The following PRICKLE2 variants were observed in gnomAD, a reference collection of about 807,000 sequenced individuals.
The protein encoded by PRICKLE2 is prickle-like protein 2.
In PRICKLE2, 21 loss-of-function variants were observed where a neutral mutation model predicts 81.4. The ratio of observed to expected loss-of-function variants is 0.26; its 90% CI spans 0.18 to 0.37. The LOEUF (loss-of-function observed/expected upper bound fraction) is 0.37, where lower values mean the gene tolerates loss of function less well. Ranked by LOEUF, PRICKLE2 falls within the 10% of genes least tolerant of loss-of-function variation. The probability of loss-of-function intolerance (pLI) is 1.00; values close to 1 mark genes in which losing one functional copy is unlikely to be tolerated. For synonymous variants in PRICKLE2, 456 were observed against 421.5 expected (o/e 1.08, Z -1.00); for missense variants, 940 against 1,109.0 (o/e 0.85, Z 2.16).
chr3:64,235,334 T>C lies in PRICKLE2; in HGVS notation c.129-36367A>G, dbSNP rs544378453. ...TCATGTAGTTCTTTGAACACATTTA[T>C]AATTGTTGCTTTGAAGTCTTTGCCT... is the stretch of plus-strand genomic sequence containing the variant. On this transcript the variant is annotated intron_variant, in intron 2 of 8. Transcript: ENST00000295902. Among the ~76,000 whole-genome samples, 4 of 152,366 alleles carry C rather than the reference T, an allele frequency of 2.6e-5. No individual in the cohort carries two copies. The South Asian group carries it at 8.3e-4, about 32-fold the overall frequency.
intron 7 of PRICKLE2, among the ~76,000 whole-genome samples, chr3:64,121,709 T>C (rs2077030702): frequency 6.6e-6 from 1 of 152,228 alleles, no homozygotes; most frequent in Non-Finnish European, 1.5e-5. Context: ...AGGGTGTTTC[T>C]TGCCGCCCCC....
intron 2 of PRICKLE2, among the ~76,000 whole-genome samples, chr3:64,174,126 A>G (rs2077979547): frequency 6.6e-6 from 1 of 152,188 alleles, no homozygotes; most frequent in Non-Finnish European, 1.5e-5. Flanking sequence ...GTGATTCTTA[A>G]TAGAGAAAAA....
chr3:64,265,328 T>C (rs570190393), intron 2 of PRICKLE2, among the ~76,000 whole-genome samples: 2 of 152,328 alleles, frequency 1.3e-5, no homozygotes, highest in Non-Finnish European at 2.9e-5. Context: ...AGTCTCATTA[T>C]ATTCAACTAG....
intron 2 of PRICKLE2, among the ~76,000 whole-genome samples, chr3:64,237,682 T>A (rs1455453803): frequency 6.6e-6 from 1 of 152,150 alleles, no homozygotes; most frequent in African/African-American, 2.4e-5. Flanking sequence ...TGTTCTCACT[T>A]TGGGCCACGC....
In PRICKLE2 at chr3:64,099,237, C is replaced by A; in HGVS notation, c.2349G>T (p.Glu783Asp). Residue 783 changes from glutamate (E) to aspartate (D), a missense_variant, in exon 8 of 8, where the codon GAG becomes GAT. By Grantham distance (45) the Glu-to-Asp change is conservative. This residue lies in a region of PRICKLE2 where 670 missense variants were observed against 717.2 expected (regional missense o/e 0.93). Transcript: ENST00000638394. The surrounding 1 kb of genome is among the most constrained non-coding windows in gnomAD (Gnocchi z 4.3). ...DWCSTCSSSS[E>D]SDNEGYFLGE... ...CTAGGAAATAGCCCTCGTTGTCAGACTCTGAAGAGGAGGAGCAGGTGGAAC... is the reference window on the plus strand; with the variant it reads ...CTAGGAAATAGCCCTCGTTGTCAGAATCTGAAGAGGAGGAGCAGGTGGAAC... 6.2e-7 allele frequency: 1 copy of A among 1,614,200 alleles called. No homozygotes were observed. Among genetic ancestry groups the A allele is most frequent in the Non-Finnish European group, 8.5e-7 (1 of 1,180,032 alleles).
intron 2 of PRICKLE2, among the ~76,000 whole-genome samples, chr3:64,186,416 C>T (rs536423744): frequency 1.3e-5 from 2 of 152,250 alleles, no homozygotes; most frequent in East Asian, 1.9e-4. Context: ...TAGTTATCAT[C>T]GAAGCTTAGA....
intron 3 of PRICKLE2, among the ~76,000 whole-genome samples, chr3:64,162,749 T>C (rs565908449): frequency 2.4e-4 from 36 of 152,306 alleles, no homozygotes; most frequent in African/African-American, 8.7e-4. Context: ...GCTTTTGAAT[T>C]TTAGTGCTCC....
intron 2 of PRICKLE2, among the ~76,000 whole-genome samples, chr3:64,261,206 G>A (rs1297712150): frequency 6.6e-6 from 1 of 152,170 alleles, no homozygotes; most frequent in Non-Finnish European, 1.5e-5. Flanking sequence ...GCATTGGGAA[G>A]CACATTAATC....
chr3:64,187,957 A>G (rs919784336), intron 2 of PRICKLE2, among the ~76,000 whole-genome samples: 1 of 152,216 alleles, frequency 6.6e-6, no homozygotes, highest in Non-Finnish European at 1.5e-5. Flanking sequence ...AAACAGGGCC[A>G]ATGAAAGACT....
At chr3:64,114,477 T>C (rs560143365) in intron 7 of PRICKLE2, among the ~76,000 whole-genome samples, 2 of 152,028 alleles carry the variant, frequency 1.3e-5, no homozygotes, top group African/African-American at 4.8e-5. Context: ...AAAATGATGA[T>C]AAAACAATGC....
chr3:64,111,308 T>C (rs2076843088), intron 7 of PRICKLE2, among the ~76,000 whole-genome samples: 1 of 152,262 alleles, frequency 6.6e-6, no homozygotes, highest in Non-Finnish European at 1.5e-5. Context: ...CTTTTACGCA[T>C]GTTGTCATAT....
intron 1 of PRICKLE2, chr3:64,200,710 A>C (rs1009720394): frequency 6.6e-5 from 10 of 151,632 alleles, no homozygotes; most frequent in Non-Finnish European, 1.3e-4. Flanking sequence ...CTGGCCGCCC[A>C]GGTTCAAGCA....
chr3:64,205,573 G>C (rs1204088484), intron 1 of PRICKLE2, among the ~76,000 whole-genome samples: 1 of 152,046 alleles, frequency 6.6e-6, no homozygotes, highest in East Asian at 1.9e-4. Flanking sequence ...TGAACCACAA[G>C]GTCTTGTTTT....
chr3:64,107,472 T>A (rs1214595817), intron 7 of PRICKLE2, among the ~76,000 whole-genome samples: 1 of 152,114 alleles, frequency 6.6e-6, no homozygotes, highest in African/African-American at 2.4e-5. Context: ...TTTAGGCACA[T>A]CTTTCTGTTC....
chr3:64,104,972 C>T (rs938552522), intron 7 of PRICKLE2, among the ~76,000 whole-genome samples: 8 of 152,168 alleles, frequency 5.3e-5, no homozygotes, highest in African/African-American at 1.9e-4. Context: ...ATCTAGAATC[C>T]TTACGCAGAC....
rs767870476 is a variant in PRICKLE2, at chr3:64,153,147, A to C, written c.787+35T>G. On this transcript the variant is annotated intron_variant, in intron 6 of 7. Transcript: ENST00000638394. ...CCCAAAACAAAGGTGACCGCATCAC[A>C]GAAGGACCAAGCTGACTGCCAAATA... is the stretch of plus-strand genomic sequence containing the variant. The C allele has an allele frequency of 2.5e-6, 4 of 1,603,458 alleles. No individual in the cohort carries two copies. In the African/African-American group the frequency reaches 5.4e-5, roughly 21 times the overall value.
intron 7 of PRICKLE2, among the ~76,000 whole-genome samples, chr3:64,120,745 G>C (rs540088446): frequency 1.3e-5 from 2 of 152,102 alleles, no homozygotes; most frequent in African/African-American, 2.4e-5. Context: ...TATCCAGGAA[G>C]GCATATATCA....
intron 7 of PRICKLE2, among the ~76,000 whole-genome samples, chr3:64,107,498 G>C (rs2076774998): frequency 1.3e-5 from 2 of 152,080 alleles, no homozygotes; most frequent in South Asian, 4.2e-4. Context: ...TTATTGTCCT[G>C]TCTTATCCCA....
At chr3:64,195,981 A>G (rs1230496380) in intron 2 of PRICKLE2, among the ~76,000 whole-genome samples, 1 of 152,236 alleles carries the variant, frequency 6.6e-6, no homozygotes, top group Non-Finnish European at 1.5e-5. Context: ...TTCATTTGAC[A>G]TAATTCAAAC....
Sources: allele counts gnomAD v4.1 joint callset (sites outside exome capture counted in the v4.1 genomes callset), GRCh38; gene constraint gnomAD v4.1.1; regional missense constraint gnomAD v4.1.1; non-coding constraint Gnocchi (gnomAD v3.1); transcripts MANE v1.5; gene names NCBI Gene and HGNC (gene_info 2026-07-23, HGNC 2026-07-21).